Variants in DENND1A observed in about 807,000 individuals in gnomAD.
DENND1A encodes DENN domain-containing protein 1A.
A neutral mutation model predicts 113.7 loss-of-function variants in DENND1A; 51 were observed. The ratio of observed to expected loss-of-function variants is 0.45; its 90% confidence interval spans 0.36 to 0.57. DENND1A has a LOEUF of 0.57. DENND1A is among the 20% of genes least tolerant of loss of function. The pLI, the probability that DENND1A is intolerant of heterozygous loss-of-function variation, is 0.00. For missense variants in DENND1A, 1,258 were observed against 1,395.9 expected (o/e 0.90, Z 1.57); for synonymous variants, 565 against 570.8 (o/e 0.99, Z 0.14).
chr9:123,447,169 G>T (rs2132554188), intron 18 of DENND1A, among the ~76,000 whole-genome samples: 1 of 152,354 alleles, frequency 6.6e-6, no homozygotes, highest in South Asian at 2.1e-4. Flanking sequence ...GAAAGCAATG[G>T]CTGGGTAGCA....
chr9:123,608,336 C>A (rs1011005325), intron 11 of DENND1A, among the ~76,000 whole-genome samples: 3 of 152,126 alleles, frequency 2.0e-5, no homozygotes, highest in Admixed American at 2.0e-4. Context: ...AGGTGGTCCT[C>A]GTCGACGTGA....
intron 18 of DENND1A, among the ~76,000 whole-genome samples, chr9:123,440,789 CT>C (rs2046873362): frequency 6.6e-6 from 1 of 152,190 alleles, no homozygotes; most frequent in African/African-American, 2.4e-5. Context: ...TATGTATTTA[CT>C]TTGTCCACAT....
intron 1 of DENND1A, among the ~76,000 whole-genome samples, chr9:123,890,479 C>T (rs911938106): frequency 2.0e-5 from 3 of 152,186 alleles, no homozygotes; most frequent in Admixed American, 1.3e-4. Context: ...TTAACCCTCC[C>T]GCCAAGCCTG....
chr9:123,565,077 C>T (rs188411247), intron 12 of DENND1A, among the ~76,000 whole-genome samples: 4 of 150,660 alleles, frequency 2.7e-5, no homozygotes, highest in Admixed American at 6.6e-5. Flanking sequence ...CTGCAACCTC[C>T]GCTTCCTGGG....
At chr9:123,610,961 T>C (rs2060391769) in intron 10 of DENND1A, among the ~76,000 whole-genome samples, 1 of 152,164 alleles carries the variant, frequency 6.6e-6, no homozygotes, top group South Asian at 2.1e-4. Context: ...ATTCAACAAA[T>C]AAAATTCAAG....
chr9:123,799,685 A>T (rs1330662117), intron 2 of DENND1A, among the ~76,000 whole-genome samples: 1 of 152,232 alleles, frequency 6.6e-6, no homozygotes, highest in Non-Finnish European at 1.5e-5. Flanking sequence ...TGTCTTACTT[A>T]ACTTTGTCTC....
At chr9:123,541,879 G>C (rs2056314251) in intron 13 of DENND1A, among the ~76,000 whole-genome samples, 1 of 152,192 alleles carries the variant, frequency 6.6e-6, no homozygotes, top group South Asian at 2.1e-4. Context: ...TCAGGGAGGA[G>C]GGAGGGCTTC....
intron 1 of DENND1A, among the ~76,000 whole-genome samples, chr9:123,891,820 C>A (rs1475331968): frequency 6.6e-6 from 1 of 152,138 alleles, no homozygotes; most frequent in Non-Finnish European, 1.5e-5. Context: ...ATCCTTCTCT[C>A]GAACAATGTT....
chr9:123,484,071 G>A (rs1456003411), intron 13 of DENND1A, among the ~76,000 whole-genome samples: 2 of 152,190 alleles, frequency 1.3e-5, no homozygotes, highest in African/African-American at 4.8e-5. Flanking sequence ...ACTTGGTTAT[G>A]TCTGAGCAGC....
chr9:123,736,085 G>A (rs2068541695), intron 5 of DENND1A, among the ~76,000 whole-genome samples: 1 of 152,204 alleles, frequency 6.6e-6, no homozygotes, highest in East Asian at 1.9e-4. Context: ...AGCTGGATAA[G>A]TAGTTCTAAT....
intron 13 of DENND1A, among the ~76,000 whole-genome samples, chr9:123,465,291 G>A (rs1462381558): frequency 6.7e-6 from 1 of 149,538 alleles, no homozygotes; most frequent in Non-Finnish European, 1.5e-5. Flanking sequence ...ACACCAGAGG[G>A]CTGGTTTTTG....
chr9:123,882,399 A>G (rs905562635), intron 1 of DENND1A, among the ~76,000 whole-genome samples: 5 of 151,992 alleles, frequency 3.3e-5, no homozygotes, highest in African/African-American at 1.2e-4. Context: ...TTCTCCCTCA[A>G]ACCTGCATCT....
At chr9:123,435,586 GGCA>G (rs2046458783) in intron 19 of DENND1A, among the ~76,000 whole-genome samples, 1 of 152,254 alleles carries the variant, frequency 6.6e-6, no homozygotes, top group Admixed American at 6.5e-5. Context: ...TTGGAAGGCA[GGCA>G]ACTACTTTGT....
chr9:123,402,829 C>A (rs1360320872), intron 21 of DENND1A, among the ~76,000 whole-genome samples: 1 of 152,230 alleles, frequency 6.6e-6, no homozygotes, highest in Non-Finnish European at 1.5e-5. Context: ...TCATCTACCC[C>A]ACGCCTCCTG....
intron 1 of DENND1A, 32 bp downstream of exon 1, chr9:123,929,857 G>A (rs1488416381): frequency 1.3e-5 from 3 of 230,452 alleles, no homozygotes; most frequent in Non-Finnish European, 2.4e-5. Flanking sequence ...CCCCGCGCCC[G>A]GCCCGGCTCC....
At chr9:123,536,341 ATG>A (rs1360080509) in intron 13 of DENND1A, among the ~76,000 whole-genome samples, 1 of 151,872 alleles carries the variant, frequency 6.6e-6, no homozygotes, top group African/African-American at 2.4e-5. Context: ...GTGGTGGCAC[ATG>A]CCTGTAGTCC....
chr9:123,418,687 C>A (rs903296371), intron 19 of DENND1A, among the ~76,000 whole-genome samples: 2 of 152,202 alleles, frequency 1.3e-5, no homozygotes, highest in Admixed American at 1.3e-4. Context: ...TTTCTGCTGC[C>A]GGTGCTTCCA....
At chr9:123,675,326 G>T (rs2064009451) in intron 6 of DENND1A, among the ~76,000 whole-genome samples, 1 of 152,156 alleles carries the variant, frequency 6.6e-6, no homozygotes. Context: ...AATTAAAGGG[G>T]TTTGGGGCAA....
At chr9:123,440,083 G>T in intron 19 of DENND1A, 1 of 293,974 alleles carries the variant, frequency 3.4e-6, no homozygotes, top group African/African-American at 2.3e-5. Context: ...CTTAAGCAGA[G>T]TGCCTTGGAG....
Sources: allele counts gnomAD v4.1 joint callset (sites outside exome capture counted in the v4.1 genomes callset), GRCh38; gene constraint gnomAD v4.1.1; transcripts MANE v1.5; gene names NCBI Gene and HGNC (gene_info 2026-07-23, HGNC 2026-07-21).